TDRD5: variants seen among roughly 807,000 people sequenced by gnomAD.
The protein encoded by TDRD5 is tudor domain-containing protein 5.
TDRD5 carries 41 observed loss-of-function variants against 120.6 expected under a neutral mutation model. The ratio of observed to expected loss-of-function variants is 0.34; its 90% confidence interval spans 0.26 to 0.44. TDRD5 has a LOEUF of 0.44. Ranked by LOEUF, TDRD5 falls within the 20% of genes least tolerant of loss-of-function variation. The probability of loss-of-function intolerance (pLI) is 1.00; values close to 1 mark genes in which losing one functional copy is unlikely to be tolerated. For missense variants in TDRD5, 1,006 were observed against 1,221.2 expected, an observed-to-expected ratio of 0.82 and a Z score of 2.63; for synonymous variants, 430 against 433.7, an observed-to-expected ratio of 0.99 and a Z score of 0.11.
chr1:179,653,311 ATAAAAT>A (rs1357786876), intron 13 of TDRD5, among the ~76,000 whole-genome samples: 2 of 152,200 alleles, frequency 1.3e-5, no homozygotes, highest in Non-Finnish European at 2.9e-5. Context: ...GACTTTTAAA[ATAAAAT>A]TATAGAGATG....
chr1:179,624,097 T>C (rs1348077885), intron 6 of TDRD5, among the ~76,000 whole-genome samples: 1 of 152,166 alleles, frequency 6.6e-6, no homozygotes, highest in African/African-American at 2.4e-5. Flanking sequence ...GAGGGGTTTA[T>C]CCTAAGAATG....
chr1:179,690,551 A>G, intron 17 of TDRD5, 145 bp from the exon 18 acceptor site: 1 of 1,076,262 alleles, frequency 9.3e-7, no homozygotes, highest in Non-Finnish European at 1.3e-6. Context: ...TCTAAGTCTC[A>G]TCTTCTCTGA....
chr1:179,638,380 C>T (rs1200702860), intron 9 of TDRD5, among the ~76,000 whole-genome samples: 1 of 127,594 alleles, frequency 7.8e-6, no homozygotes, highest in African/African-American at 2.8e-5. Flanking sequence ...CAGGTTTGAG[C>T]TGGGGTGAAA....
At chr1:179,657,752 A>T (rs560401040) in intron 14 of TDRD5, among the ~76,000 whole-genome samples, 1 of 152,138 alleles carries the variant, frequency 6.6e-6, no homozygotes, top group African/African-American at 2.4e-5. Flanking sequence ...GTAAAATTGC[A>T]TATATGGTGT....
chr1:179,603,276 G>T (rs781771293), intron 4 of TDRD5, among the ~76,000 whole-genome samples: 9 of 152,136 alleles, frequency 5.9e-5, no homozygotes, highest in Admixed American at 5.9e-4. Context: ...GATCTTTCTG[G>T]AGGAGTCTTT....
At chr1:179,631,129 T>C (rs113300630) in intron 7 of TDRD5, among the ~76,000 whole-genome samples, 13,690 of 152,116 alleles carry the variant, frequency 0.09, 678 homozygotes, top group Middle Eastern at 0.12. Flanking sequence ...CAGTGGCTCA[T>C]GCCTATAATC....
At chr1:179,657,359 C>T (rs1679058247) in intron 14 of TDRD5, among the ~76,000 whole-genome samples, 2 of 152,106 alleles carry the variant, frequency 1.3e-5, no homozygotes, top group African/African-American at 4.8e-5. Context: ...AAGTATTTCA[C>T]TTATTTTGAG....
At chr1:179,604,804 A>G (rs1430190624) in intron 4 of TDRD5, among the ~76,000 whole-genome samples, 2 of 152,092 alleles carry the variant, frequency 1.3e-5, no homozygotes, top group Non-Finnish European at 2.9e-5. Context: ...TATATGGTCT[A>G]TCTTGGAGAA....
At chr1:179,598,249 G>A (rs778739178) in intron 4 of TDRD5, among the ~76,000 whole-genome samples, 4 of 152,174 alleles carry the variant, frequency 2.6e-5, no homozygotes, top group Non-Finnish European at 4.4e-5. Flanking sequence ...CATACAGGTG[G>A]TCTATTGTTG....
At chr1:179,609,251 CATA>C (rs1475063074) in intron 4 of TDRD5, among the ~76,000 whole-genome samples, 1 of 152,102 alleles carries the variant, frequency 6.6e-6, no homozygotes, top group East Asian at 1.9e-4. Flanking sequence ...TTTGCATGTA[CATA>C]ATGAGATATC....
At chr1:179,677,157 G>A (rs1680182092) in intron 17 of TDRD5, among the ~76,000 whole-genome samples, 1 of 151,874 alleles carries the variant, frequency 6.6e-6, no homozygotes, top group Non-Finnish European at 1.5e-5. Context: ...CCTTTCCAGT[G>A]CATTTTGCAT....
chr1:179,689,761 C>T (rs1414708303), intron 17 of TDRD5, among the ~76,000 whole-genome samples: 2 of 152,174 alleles, frequency 1.3e-5, no homozygotes, highest in Non-Finnish European at 2.9e-5. Context: ...GGCGGGCACC[C>T]CTCCCCCAGC....
chr1:179,619,515 T>C (rs959231068), intron 5 of TDRD5, among the ~76,000 whole-genome samples: 3 of 152,186 alleles, frequency 2.0e-5, no homozygotes, highest in Admixed American at 2.0e-4. Flanking sequence ...TCAACTGTCA[T>C]GATTTTACTA....
At chr1:179,690,068 C>G (rs541100144) in intron 17 of TDRD5, among the ~76,000 whole-genome samples, 1 of 152,336 alleles carries the variant, frequency 6.6e-6, no homozygotes, top group South Asian at 2.1e-4. Context: ...GTCCTGCACC[C>G]ACTGTCCAAC....
intron 17 of TDRD5, among the ~76,000 whole-genome samples, chr1:179,676,642 T>G (rs1013371347): frequency 1.8e-4 from 27 of 152,342 alleles, no homozygotes; most frequent in Admixed American, 1.7e-3. Flanking sequence ...TCTTGGCTAA[T>G]AATTGTTTTG....
intron 17 of TDRD5, among the ~76,000 whole-genome samples, chr1:179,670,923 T>C (rs575028694): frequency 6.6e-6 from 1 of 152,328 alleles, no homozygotes; most frequent in African/African-American, 2.4e-5. Flanking sequence ...TTTGTGTATC[T>C]TGTTTAGAAA....
At chr1:179,645,125 G>A (rs1204366839) in intron 11 of TDRD5, among the ~76,000 whole-genome samples, 6 of 116,780 alleles carry the variant, frequency 5.1e-5, no homozygotes, top group Admixed American at 3.4e-4. Flanking sequence ...TCGCTCTGTC[G>A]CCCAGGCTGG....
intron 3 of TDRD5, 82 bp downstream of exon 3, chr1:179,593,949 T>G: frequency 6.6e-7 from 1 of 1,504,376 alleles, no homozygotes; most frequent in Non-Finnish European, 8.9e-7. Flanking sequence ...TCGTTAGAGT[T>G]GAAGCCTGGC....
intron 17 of TDRD5, among the ~76,000 whole-genome samples, chr1:179,688,868 G>T (rs896056644): frequency 2.0e-5 from 3 of 152,172 alleles, no homozygotes; most frequent in African/African-American, 4.8e-5. Flanking sequence ...GCATCACGCA[G>T]TTCTCATACC....
Sources: allele counts gnomAD v4.1 joint callset (sites outside exome capture counted in the v4.1 genomes callset), GRCh38; gene constraint gnomAD v4.1.1; transcripts MANE v1.5; gene names NCBI Gene and HGNC (gene_info 2026-07-23, HGNC 2026-07-21).